The following CPAMD8 variants were observed in gnomAD, a reference collection of about 807,000 sequenced individuals.
CPAMD8 encodes the protein C3 and PZP-like alpha-2-macroglobulin domain-containing protein 8.
A neutral mutation model predicts 224.7 loss-of-function variants in CPAMD8; 146 were observed. The observed-to-expected ratio is 0.65, with a 90% CI of 0.57 to 0.75. The LOEUF (loss-of-function observed/expected upper bound fraction) is 0.75. Among genes scored for constraint, CPAMD8 ranks in the 30% least tolerant of loss-of-function variants. The pLI is 0.00. For synonymous variants in CPAMD8, 966 were observed against 1,044.6 expected (o/e 0.92, Z 1.45); for missense variants, 2,301 against 2,537.5 (o/e 0.91, Z 2.00).
intron 14 of CPAMD8, 102 bp from the exon 15 acceptor site, chr19:16,977,642 G>T: frequency 2.5e-6 from 2 of 806,940 alleles, no homozygotes; most frequent in Non-Finnish European, 3.8e-6. Flanking sequence ...CTATGCTCCT[G>T]TCTACGCATT....
At chr19:17,022,491 GA>G in intron 1 of CPAMD8, among the ~76,000 whole-genome samples, 1 of 150,826 alleles carries the variant, frequency 6.6e-6, no homozygotes, top group Non-Finnish European at 1.5e-5. Context: ...TCTGCCCCAG[GA>G]CCTTTTTTTT....
At chr19:16,956,936 G>C (rs2054491559) in intron 19 of CPAMD8, among the ~76,000 whole-genome samples, 1 of 152,066 alleles carries the variant, frequency 6.6e-6, no homozygotes, top group Admixed American at 6.5e-5. Context: ...AAAGTGCTGG[G>C]ATTACAGGCA....
rs747939970 is a variant in CPAMD8, at chr19:16,902,825, C to T, written c.4509G>A (p.Lys1503=). The part of the protein sequence containing the change: ...VTYNVPDPVA[K]PAFQLLVSLQ... The stretch of plus-strand genomic sequence containing the variant: ...GGCTTACGAGCAGCTGGAAAGCTGG[C>T]TTGGCCACCGGGTCAGGCACATTGT... Residue 1503 remains lysine, a synonymous_variant, in exon 35 of 42, where the codon AAG becomes AAA. Coordinates refer to ENST00000443236, the MANE Select transcript of CPAMD8 (RefSeq NM_015692.5). 1.3e-6 allele frequency: 2 copies of T among 1,560,622 alleles called. No individual in the cohort carries two copies. The highest frequency in any genetic ancestry group is 2.4e-5 in the South Asian group (2 of 83,944).
At chr19:16,934,611 TA>T (rs2053633191) in intron 23 of CPAMD8, among the ~76,000 whole-genome samples, 1 of 152,140 alleles carries the variant, frequency 6.6e-6, no homozygotes, top group Non-Finnish European at 1.5e-5. Context: ...GCAGCATATA[TA>T]ATTACATAGT....
chr19:16,961,321 C>T (rs775229572), intron 18 of CPAMD8, among the ~76,000 whole-genome samples: 2 of 152,262 alleles, frequency 1.3e-5, no homozygotes, highest in African/African-American at 4.8e-5. Flanking sequence ...AAATACTGAG[C>T]TTTTCCCATG....
intron 12 of CPAMD8, 107 bp downstream of exon 12, chr19:16,993,309 C>T: frequency 1.2e-6 from 1 of 845,528 alleles, no homozygotes; most frequent in Non-Finnish European, 1.9e-6. Flanking sequence ...TCCTGCAGGG[C>T]TGGGACGGGC....
chr19:16,955,079 G>T (rs1295942620), intron 19 of CPAMD8, among the ~76,000 whole-genome samples: 1 of 152,170 alleles, frequency 6.6e-6, no homozygotes, highest in Admixed American at 6.5e-5. Context: ...AGTGAGCCGA[G>T]ATCGCACCAC....
chr19:16,981,326 A>G (rs2055507614), intron 13 of CPAMD8, among the ~76,000 whole-genome samples: 4 of 152,032 alleles, frequency 2.6e-5, no homozygotes, highest in African/African-American at 7.3e-5. Flanking sequence ...GCACCACTGC[A>G]CTCCAGCCTG....
rs890102228 is a variant in CPAMD8 at position 17,026,573 on chromosome 19, G to T, written c.70C>A (p.Arg24Ser). The change falls in exon 1 of 42, where the codon CGC becomes AGC. Residue 24 changes from arginine to serine, a missense_variant. Around this residue, in one of 4 missense-constraint regions of CPAMD8, gnomAD observed 283 missense variants for 340.6 expected, o/e 0.83. Transcript: ENST00000443236. The part of the protein sequence containing the change: ...LLLLSARDGV[R>S]AAQPQAPGYL... Reference sequence around the variant, plus strand: ...CACGGGGCCTGAGGCTGCGCGGCGCGCACGCCGTCCCGCGCCGACAGCAGC... The same window carrying T: ...CACGGGGCCTGAGGCTGCGCGGCGCTCACGCCGTCCCGCGCCGACAGCAGC... 4 of 1,527,372 alleles carry T rather than the reference G, an allele frequency of 2.6e-6. No homozygotes were observed. The highest frequency in any genetic ancestry group is 1.4e-5 in the African/African-American group (1 of 70,310). 94.6% of individuals were successfully genotyped at this position (1,527,372 alleles called of 1,614,324 possible). A position where few individuals can be genotyped will look rare whatever the true frequency, so the allele number is the denominator to read the frequency against.
intron 11 of CPAMD8, among the ~76,000 whole-genome samples, chr19:16,995,777 G>T (rs970614898): frequency 1.3e-5 from 2 of 152,166 alleles, no homozygotes; most frequent in Admixed American, 1.3e-4. Context: ...CACTTTGGGG[G>T]TCTGAGGTAG....
At chr19:16,923,136 G>A (rs1318358817) in intron 26 of CPAMD8, among the ~76,000 whole-genome samples, 6 of 152,246 alleles carry the variant, frequency 3.9e-5, no homozygotes, top group Admixed American at 3.3e-4. Context: ...AGGGGGTGAG[G>A]TGAGAGGCCG....
chr19:16,913,907 G>T (rs2052824199), intron 29 of CPAMD8, among the ~76,000 whole-genome samples: 1 of 152,124 alleles, frequency 6.6e-6, no homozygotes, highest in Non-Finnish European at 1.5e-5. Context: ...AGCCTTCTCT[G>T]CAGAGACTGT....
chr19:17,005,296 A>AC lies in CPAMD8; in HGVS notation c.560-911dup, dbSNP rs533157481. Among the ~76,000 whole-genome samples, 5 of 152,162 alleles carry AC rather than the reference A, an allele frequency of 3.3e-5. No individual in the cohort carries two copies. In the East Asian group the frequency reaches 9.7e-4, roughly 29 times the overall value. On this transcript the variant is annotated intron_variant, in intron 7 of 41. Transcript: ENST00000443236. ...CCTCCACTCACCAGATGCCAGTTGC[A>AC]CCCCTTGTCCTCCACAAAAGTCCTG...
In CPAMD8 at chr19:16,903,816, G is replaced by A. The variant is rs1446312188; in HGVS notation, c.4293C>T (p.Ile1431=). 1 of 1,614,126 alleles carries A rather than the reference G, an allele frequency of 6.2e-7. No individual in the cohort carries two copies. The highest frequency in any genetic ancestry group is 2.2e-5 in the East Asian group (1 of 44,880). ...VALQALAEYA[I]LSYAGGINLT... Reference sequence around the variant, plus strand: ...GGTTGATGCCTCCAGCATAGGACAAGATGGCATATTCAGCCAAGGCCTGCA... The same window carrying A: ...GGTTGATGCCTCCAGCATAGGACAAAATGGCATATTCAGCCAAGGCCTGCA... Residue 1431 remains isoleucine, a synonymous_variant, in exon 33 of 42, where the codon ATC becomes ATT. Transcript: ENST00000443236.
chr19:16,984,700 TAAAC>T (rs1195332325), intron 13 of CPAMD8, among the ~76,000 whole-genome samples: 2 of 152,154 alleles, frequency 1.3e-5, no homozygotes, highest in African/African-American at 2.4e-5. Context: ...TCAACAAAGA[TAAAC>T]AACCCAATTA....
At chr19:16,963,096 T>C (rs1401030452) in intron 18 of CPAMD8, among the ~76,000 whole-genome samples, 1 of 152,156 alleles carries the variant, frequency 6.6e-6, no homozygotes, top group Non-Finnish European at 1.5e-5. Flanking sequence ...ATATGCCAGA[T>C]TGTAAAGACC....
At chr19:16,971,855 T>G (rs148077687) in intron 17 of CPAMD8, among the ~76,000 whole-genome samples, 3,212 of 152,226 alleles carry the variant, frequency 0.021, 54 homozygotes, top group Non-Finnish European at 0.03. Context: ...AACACCAGCC[T>G]GGCCAACACG....
At chr19:16,955,592 C>T (rs2054443642) in intron 19 of CPAMD8, among the ~76,000 whole-genome samples, 1 of 152,088 alleles carries the variant, frequency 6.6e-6, no homozygotes, top group Non-Finnish European at 1.5e-5. Flanking sequence ...TCCTTAATAC[C>T]ACTGAACTAT....
intron 3 of CPAMD8, among the ~76,000 whole-genome samples, chr19:17,017,969 G>A (rs1255051870): frequency 6.6e-6 from 1 of 151,618 alleles, no homozygotes; most frequent in Non-Finnish European, 1.5e-5. Context: ...GGAAGCGGAG[G>A]TTGCAGTGAG....
Sources: allele counts gnomAD v4.1 joint callset (sites outside exome capture counted in the v4.1 genomes callset), GRCh38; gene constraint gnomAD v4.1.1; regional missense constraint gnomAD v4.1.1; transcripts MANE v1.5; gene names NCBI Gene and HGNC (gene_info 2026-07-23, HGNC 2026-07-21).